The following MTCL2 variants were observed in gnomAD, a reference collection of about 807,000 sequenced individuals.
MTCL2 encodes the protein microtubule cross-linking factor 2.
chr20:36,815,538 T>C, the MTCL2 span: 1 of 1,573,166 alleles, frequency 6.4e-7, no homozygotes, highest in African/African-American at 1.4e-5. This position sits in a 1 kb window ranked among gnomAD's most constrained non-coding sequence, Gnocchi z 5.3. Flanking sequence ...CTCGTGTGTC[T>C]CGCCCAGGGG....
the MTCL2 span, chr20:36,817,285 G>T: frequency 6.6e-4 from 405 of 613,662 alleles, no homozygotes; most frequent in Middle Eastern, 9.9e-4. Context: ...AAAAAAAAAA[G>T]AAAAGAAAAA....
chr20:36,813,752 C>CAAAAAAAAAAAAAAAAAA, the MTCL2 span, among the ~76,000 whole-genome samples: 2 of 65,844 alleles, frequency 3.0e-5, no homozygotes, highest in Non-Finnish European at 5.1e-5. Context: ...GACTCTGTCT[C>CAAAAAAAAAAAAAAAAAA]AAAAAAAAAA....
the MTCL2 span, among the ~76,000 whole-genome samples, chr20:36,805,266 T>A: frequency 1.3e-5 from 2 of 152,120 alleles, no homozygotes; most frequent in African/African-American, 4.8e-5. Flanking sequence ...AGATGTGGGG[T>A]CTAATTCATG....
the MTCL2 span, among the ~76,000 whole-genome samples, chr20:36,862,348 C>T: frequency 2.0e-5 from 3 of 152,224 alleles, no homozygotes; most frequent in Non-Finnish European, 2.9e-5. Context: ...TCCATCCCTT[C>T]CCTGGCTACC....
the MTCL2 span, among the ~76,000 whole-genome samples, chr20:36,835,725 G>A: frequency 1.3e-5 from 2 of 152,292 alleles, no homozygotes; most frequent in South Asian, 4.1e-4. Flanking sequence ...TCCAGCTGCA[G>A]CGTGGGGAGA....
chr20:36,827,804 T>C, the MTCL2 span, among the ~76,000 whole-genome samples: 6 of 152,290 alleles, frequency 3.9e-5, no homozygotes, highest in African/African-American at 1.4e-4. Flanking sequence ...GACCTTAAGA[T>C]GCTTTCAGAA....
At chr20:36,834,978 G>C in the MTCL2 span, among the ~76,000 whole-genome samples, 3 of 151,794 alleles carry the variant, frequency 2.0e-5, no homozygotes, top group African/African-American at 7.3e-5. Context: ...CTGGGTGACA[G>C]AGTGAGACCC....
At chr20:36,847,739 A>T in the MTCL2 span, among the ~76,000 whole-genome samples, 1 of 151,924 alleles carries the variant, frequency 6.6e-6, no homozygotes, top group Non-Finnish European at 1.5e-5. Flanking sequence ...CTGTAGCCTC[A>T]GATACTCAGG....
the MTCL2 span, among the ~76,000 whole-genome samples, chr20:36,800,815 T>A: frequency 2.6e-5 from 4 of 152,196 alleles, no homozygotes; most frequent in East Asian, 7.7e-4. Context: ...TCACAGGAAC[T>A]GGCAAAGATA....
At chr20:36,791,442 T>C in the MTCL2 span, among the ~76,000 whole-genome samples, 1 of 152,234 alleles carries the variant, frequency 6.6e-6, no homozygotes, top group Non-Finnish European at 1.5e-5. Flanking sequence ...ACAGCATTAT[T>C]TGCAGTAGGG....
chr20:36,857,947 G>A, the MTCL2 span, among the ~76,000 whole-genome samples: 1 of 152,020 alleles, frequency 6.6e-6, no homozygotes, highest in African/African-American at 2.4e-5. Flanking sequence ...GTTACAGAAG[G>A]AACAATCTCA....
the MTCL2 span, among the ~76,000 whole-genome samples, chr20:36,797,890 T>A: frequency 6.6e-6 from 1 of 152,134 alleles, no homozygotes; most frequent in African/African-American, 2.4e-5. Context: ...CTACATCCCA[T>A]CAGAGTGGCA....
At chr20:36,806,018 C>T in the MTCL2 span, 1 of 1,430,170 alleles carries the variant, frequency 7.0e-7, no homozygotes, top group Non-Finnish European at 9.5e-7. Context: ...TTAATTCCAA[C>T]CTTGGGCACC....
the MTCL2 span, among the ~76,000 whole-genome samples, chr20:36,837,576 T>C: frequency 6.7e-5 from 10 of 148,962 alleles, no homozygotes; most frequent in African/African-American, 2.0e-4. Context: ...ATTATTATTA[T>C]TATTATTATT....
At chr20:36,858,311 AACACACACACACACACACACAC>A in the MTCL2 span, among the ~76,000 whole-genome samples, 1 of 31,800 alleles carries the variant, frequency 3.1e-5, no homozygotes, top group Non-Finnish European at 6.6e-5. Context: ...AAGGAGGGAA[AACACACACACACACACACACAC>A]ACACACACAC....
At chr20:36,846,129 T>C in the MTCL2 span, among the ~76,000 whole-genome samples, 1 of 151,764 alleles carries the variant, frequency 6.6e-6, no homozygotes, top group Non-Finnish European at 1.5e-5. Flanking sequence ...TTGCTTGAAT[T>C]TGGGAGGCAG....
the MTCL2 span, among the ~76,000 whole-genome samples, chr20:36,845,684 C>G: frequency 3.3e-5 from 5 of 152,156 alleles, no homozygotes; most frequent in African/African-American, 1.2e-4. Flanking sequence ...GCTGCTGGGG[C>G]TTGGGGAGGG....
At chr20:36,802,207 A>G in the MTCL2 span, among the ~76,000 whole-genome samples, 1 of 152,124 alleles carries the variant, frequency 6.6e-6, no homozygotes, top group Non-Finnish European at 1.5e-5. Context: ...AATCACTTGA[A>G]CCTGGGAGGC....
the MTCL2 span, among the ~76,000 whole-genome samples, chr20:36,813,550 A>G: frequency 4.2e-4 from 64 of 151,600 alleles, no homozygotes; most frequent in African/African-American, 1.5e-3. Context: ...CCTGGCCAAC[A>G]TCGTGAAACC....
Sources: gnomAD v4.1 joint callset for allele counts (sites outside exome capture counted in the v4.1 genomes callset) on GRCh38, gnomAD v4.1.1 for gene constraint, Gnocchi (gnomAD v3.1) non-coding constraint, MANE v1.5 for transcripts, NCBI Gene and HGNC (gene_info 2026-07-23, HGNC 2026-07-21) for gene names.